The following COG5 variants were observed in gnomAD, a reference collection of about 807,000 sequenced individuals.
The protein encoded by COG5 is conserved oligomeric Golgi complex subunit 5.
COG5 carries 86 observed loss-of-function variants against 110.4 expected under a neutral mutation model. That is an observed-to-expected ratio of 0.78 (90% CI 0.65 to 0.93). The LOEUF (loss-of-function observed/expected upper bound fraction) is 0.93. COG5 is among the 40% of genes least tolerant of loss of function. The pLI is 0.00. For synonymous variants in COG5, 360 were observed against 334.6 expected, an observed-to-expected ratio of 1.08 and a Z score of -0.83; for missense variants, 1,077 against 987.0, an observed-to-expected ratio of 1.09 and a Z score of -1.22.
chr7:107,286,192 T>C (rs1805613507), intron 12 of COG5, among the ~76,000 whole-genome samples: 1 of 152,136 alleles, frequency 6.6e-6, no homozygotes, highest in African/African-American at 2.4e-5. Context: ...CCTGGCTGTG[T>C]TGGCCAGAGG....
In COG5 at chr7:107,283,623, G is replaced by T; in HGVS notation, c.1423C>A (p.Arg475Ser). 6.2e-7 allele frequency: 1 copy of T among 1,613,862 alleles called. No homozygotes were observed. The highest frequency in any genetic ancestry group is 1.1e-5 in the South Asian group (1 of 91,064). The part of the protein sequence containing the change: ...PINLVFPPGG[R>S]NPPSSDELDG... Reference sequence around the variant, plus strand: ...AGTTCATCAGAGGAAGGAGGATTACGACCACCCGGGGGAAAAACCAAGTTG... The same window carrying T: ...AGTTCATCAGAGGAAGGAGGATTACTACCACCCGGGGGAAAAACCAAGTTG... The change falls in exon 13 of 22, where the codon CGT becomes AGT. Residue 475 changes from arginine (R) to serine (S), a missense_variant. Physicochemically the swap from Arg to Ser is moderately radical, Grantham distance 110. Transcript: ENST00000297135.
At position 107,412,702 on chromosome 7, in the gene COG5, T is replaced by C. The variant is rs140736315; in HGVS notation, c.539-70A>G. 2,441 of 924,454 alleles carry C rather than the reference T, an allele frequency of 2.6e-3. 46 individuals carry two copies. The African/African-American group carries it at 0.039, about 15-fold the overall frequency. 57.3% of individuals were successfully genotyped at this position (924,454 alleles called of 1,614,324 possible). On this transcript the variant is annotated intron_variant, in intron 6 of 21. Transcript: ENST00000297135. Reference sequence around the variant, plus strand: ...ATAAATATCAAGGTATCAAAATATGTATAACTTCTCAAAAAAAAAAAACAA... The same window carrying C: ...ATAAATATCAAGGTATCAAAATATGCATAACTTCTCAAAAAAAAAAAACAA...
At chr7:107,264,054 T>C (rs1421395487) in intron 14 of COG5, among the ~76,000 whole-genome samples, 1 of 152,192 alleles carries the variant, frequency 6.6e-6, no homozygotes, top group Non-Finnish European at 1.5e-5. Flanking sequence ...TAATATATTA[T>C]AGATTACTTA....
intron 14 of COG5, among the ~76,000 whole-genome samples, chr7:107,271,126 A>C (rs1375515074): frequency 3.9e-5 from 6 of 151,998 alleles, no homozygotes; most frequent in Non-Finnish European, 8.8e-5. Context: ...TCATGCCTGA[A>C]ATCTCAGCTA....
intron 14 of COG5, among the ~76,000 whole-genome samples, chr7:107,264,804 C>T (rs576961699): frequency 6.6e-6 from 1 of 152,020 alleles, no homozygotes; most frequent in African/African-American, 2.4e-5. Context: ...TCATAAAACC[C>T]TACATGTCTA....
intron 19 of COG5, among the ~76,000 whole-genome samples, chr7:107,230,302 G>A (rs886887994): frequency 2.6e-5 from 4 of 151,736 alleles, no homozygotes; most frequent in Non-Finnish European, 5.9e-5. Flanking sequence ...ATTATGAATT[G>A]CCTAGTATTA....
At chr7:107,345,369 C>T (rs184152925) in intron 10 of COG5, among the ~76,000 whole-genome samples, 109 of 152,094 alleles carry the variant, frequency 7.2e-4, no homozygotes, top group African/African-American at 2.5e-3. Flanking sequence ...TTGCTTGATG[C>T]AGAATTGTCA....
At position 107,201,623 on chromosome 7, in the gene COG5, C is replaced by CT; in HGVS notation, c.*1892dup. 2.3e-6 allele frequency: 1 copy of CT among 436,956 alleles called. No homozygotes were observed. The highest frequency in any genetic ancestry group is 4.1e-5 in the Admixed American group (1 of 24,260). The allele number at this position is 436,956 out of a possible 1,614,324, so 27.1% of individuals were successfully genotyped here. A position where few individuals can be genotyped will look rare whatever the true frequency, so the allele number is the denominator to read the frequency against. On this transcript the variant is annotated 3_prime_UTR_variant, in exon 22 of 22. Coordinates refer to ENST00000297135, the MANE Select transcript of COG5 (RefSeq NM_006348.5). The stretch of plus-strand genomic sequence containing the variant: ...TCTCCATTAGAGCATTAAGCTAAAA[C>CT]TATCAACATTTTAAACCAAATTGCC...
At chr7:107,524,593 AT>A (rs1247886698) in intron 6 of COG5, among the ~76,000 whole-genome samples, 18 of 152,350 alleles carry the variant, frequency 1.2e-4, no homozygotes, top group African/African-American at 4.3e-4. Flanking sequence ...TTACTCAAAT[AT>A]TAATTCCAAA....
intron 6 of COG5, among the ~76,000 whole-genome samples, chr7:107,497,184 C>G (rs543880549): frequency 1.3e-5 from 2 of 152,276 alleles, no homozygotes; most frequent in Admixed American, 1.3e-4. Context: ...CCACTGCACT[C>G]CAGCTTGAAT....
chr7:107,208,970 A>G (rs1584522463), intron 21 of COG5: 1 of 978,572 alleles, frequency 1.0e-6, no homozygotes. Context: ...GCTATAGAGA[A>G]ATCCTGATAG....
At chr7:107,365,927 T>C (rs1018357529) in intron 8 of COG5, among the ~76,000 whole-genome samples, 21 of 152,134 alleles carry the variant, frequency 1.4e-4, no homozygotes, top group African/African-American at 5.1e-4. Context: ...CCTTCAGCCA[T>C]GCCTACACTA....
In COG5 at chr7:107,241,332, T is replaced by G. The variant is rs536777182; in HGVS notation, c.1854-4645A>C. On this transcript the variant is annotated intron_variant, in intron 17 of 21. Coordinates refer to ENST00000297135, the MANE Select transcript of COG5 (RefSeq NM_006348.5). ...TAATCAGCAGTTATATAATCCTATGTTATATTGAGTTCCAAATATAGTTTT... is the reference window on the plus strand; with the variant it reads ...TAATCAGCAGTTATATAATCCTATGGTATATTGAGTTCCAAATATAGTTTT... Among the ~76,000 whole-genome samples the G allele has an allele frequency of 8.8e-4, 134 of 151,826 alleles. 1 individual carries two copies. Among genetic ancestry groups the G allele is most frequent in the African/African-American group, 3.2e-3 (132 of 41,478 alleles).
At chr7:107,419,394 A>G (rs76706683) in intron 6 of COG5, among the ~76,000 whole-genome samples, 8,725 of 152,162 alleles carry the variant, frequency 0.057, 324 homozygotes, top group Non-Finnish European at 0.086. Flanking sequence ...CCAACTAAAA[A>G]TAATTTCTTA....
intron 14 of COG5, among the ~76,000 whole-genome samples, chr7:107,275,486 T>C (rs991449886): frequency 5.3e-5 from 8 of 152,030 alleles, no homozygotes; most frequent in African/African-American, 1.9e-4. Context: ...ACATAAGCTA[T>C]TACCATATAA....
At chr7:107,280,446 A>G (rs1461281840) in intron 14 of COG5, among the ~76,000 whole-genome samples, 1 of 152,088 alleles carries the variant, frequency 6.6e-6, no homozygotes, top group East Asian at 1.9e-4. Context: ...GAACAAACTG[A>G]AACAACTTGG....
chr7:107,213,187 C>T (rs530136951), intron 19 of COG5, among the ~76,000 whole-genome samples: 1 of 152,292 alleles, frequency 6.6e-6, no homozygotes, highest in East Asian at 1.9e-4. Flanking sequence ...CTCCCAGAAG[C>T]TGAACAAGAA....
intron 17 of COG5, among the ~76,000 whole-genome samples, chr7:107,244,748 G>A (rs1264439166): frequency 1.3e-5 from 2 of 152,134 alleles, no homozygotes; most frequent in Non-Finnish European, 2.9e-5. Flanking sequence ...GACCCAGCCA[G>A]GAGGAAACTG....
At chr7:107,319,827 G>A (rs1809097265) in intron 11 of COG5, among the ~76,000 whole-genome samples, 1 of 152,074 alleles carries the variant, frequency 6.6e-6, no homozygotes, top group African/African-American at 2.4e-5. Context: ...GCTGGGTGTG[G>A]TAGTGCTCTT....
Sources: allele counts gnomAD v4.1 joint callset (sites outside exome capture counted in the v4.1 genomes callset), GRCh38; gene constraint gnomAD v4.1.1; transcripts MANE v1.5; gene names NCBI Gene and HGNC (gene_info 2026-07-23, HGNC 2026-07-21).